SLC8A1: variants seen among roughly 807,000 people sequenced by gnomAD.
The protein encoded by SLC8A1 is sodium/calcium exchanger 1.
Under a neutral mutation model 68.3 loss-of-function variants are expected in SLC8A1, and 18 were observed. The observed-to-expected ratio is 0.26, with a 90% CI of 0.18 to 0.39. SLC8A1 has a LOEUF of 0.39. Among genes scored for constraint, SLC8A1 ranks in the 10% least tolerant of loss-of-function variants. The pLI, the probability that SLC8A1 is intolerant of heterozygous loss-of-function variation, is 1.00. For synonymous variants in SLC8A1, 475 were observed against 415.5 expected (o/e 1.14, Z -1.74); for missense variants, 985 against 1,156.7 (o/e 0.85, Z 2.15).
intron 1 of SLC8A1, among the ~76,000 whole-genome samples, chr2:40,504,699 C>T (rs1706258260): frequency 6.6e-6 from 1 of 151,936 alleles, no homozygotes; most frequent in African/African-American, 2.4e-5. Flanking sequence ...GGTAAACAAG[C>T]ATATGAAAAT....
At chr2:40,219,209 A>G (rs1488083769) in intron 2 of SLC8A1, among the ~76,000 whole-genome samples, 1 of 152,214 alleles carries the variant, frequency 6.6e-6, no homozygotes, top group African/African-American at 2.4e-5. Context: ...GTGTGTTCAT[A>G]GAGGAGAAAC....
At chr2:40,265,391 T>C (rs1014625254) in intron 2 of SLC8A1, among the ~76,000 whole-genome samples, 2 of 152,164 alleles carry the variant, frequency 1.3e-5, no homozygotes, top group African/African-American at 4.8e-5. Flanking sequence ...TAAAACACCC[T>C]GTGAATGTAC....
intron 2 of SLC8A1, among the ~76,000 whole-genome samples, chr2:40,309,551 G>A (rs1156407955): frequency 7.1e-6 from 1 of 140,820 alleles, no homozygotes; most frequent in Non-Finnish European, 1.5e-5. Context: ...CTGTTGCCCA[G>A]GCTGGAGTGC....
At chr2:40,188,374 C>T (rs755773789) in intron 2 of SLC8A1, among the ~76,000 whole-genome samples, 15 of 152,162 alleles carry the variant, frequency 9.9e-5, no homozygotes, top group Non-Finnish European at 2.2e-4. Context: ...ACATCAACAT[C>T]TTTGTCTGGT....
At chr2:40,175,371 C>A in intron 3 of SLC8A1, 90 bp from the exon 4 acceptor site, 1 of 1,331,128 alleles carries the variant, frequency 7.5e-7, no homozygotes, top group Non-Finnish European at 1.1e-6. Flanking sequence ...GAAATCCAGG[C>A]AGATCTGATT....
chr2:40,383,306 T>A (rs138947077), intron 2 of SLC8A1, among the ~76,000 whole-genome samples: 1 of 152,132 alleles, frequency 6.6e-6, no homozygotes, highest in East Asian at 1.9e-4. Context: ...AAATTTGATA[T>A]ATGTTTTTTG....
intron 1 of SLC8A1, among the ~76,000 whole-genome samples, chr2:40,494,642 T>TATAA (rs1705559181): frequency 8.0e-5 from 1 of 12,452 alleles, no homozygotes; most frequent in Admixed American, 9.7e-4. Flanking sequence ...TAAAGTATAA[T>TATAA]ATATATATAT....
intron 7 of SLC8A1, among the ~76,000 whole-genome samples, chr2:40,133,103 G>A (rs2148222716): frequency 6.6e-6 from 1 of 152,260 alleles, no homozygotes; most frequent in East Asian, 1.9e-4. Flanking sequence ...TCATTAGGCT[G>A]ATTTTACAGG....
rs1166056947 is a variant in SLC8A1 at position 40,361,835 on chromosome 2, A to G, written c.1808+66638T>C. Among the ~76,000 whole-genome samples the G allele has an allele frequency of 2.2e-5, 3 of 138,958 alleles. No individual in the cohort carries two copies. In the East Asian group the frequency reaches 6.5e-4, roughly 30 times the overall value. 91.2% of individuals were successfully genotyped at this position (138,958 alleles called of 152,430 possible). A position where few individuals can be genotyped will look rare whatever the true frequency, so the allele number is the denominator to read the frequency against. On this transcript the variant is annotated intron_variant, in intron 2 of 7. Transcript: ENST00000406785. ...AGAATATTATGCACTGAAATGCATA[A>G]TTTTTCAATAATAATTATGCTAGAT... is the stretch of plus-strand genomic sequence containing the variant.
chr2:40,208,258 C>T (rs1424158766), intron 2 of SLC8A1: 2 of 152,140 alleles, frequency 1.3e-5, no homozygotes, highest in African/African-American at 4.8e-5. Flanking sequence ...TTCCAGCTCT[C>T]TTTCCATAGT....
At chr2:40,156,981 C>T (rs1325449073) in intron 6 of SLC8A1, among the ~76,000 whole-genome samples, 1 of 152,124 alleles carries the variant, frequency 6.6e-6, no homozygotes, top group Non-Finnish European at 1.5e-5. Context: ...TGGTACTGCC[C>T]CTTAACAGTT....
At chr2:40,446,221 G>A (rs1701417747) in intron 1 of SLC8A1, among the ~76,000 whole-genome samples, 1 of 152,154 alleles carries the variant, frequency 6.6e-6, no homozygotes, top group Non-Finnish European at 1.5e-5. Context: ...CCTCACCTCT[G>A]ACTGGTATAG....
intron 1 of SLC8A1, among the ~76,000 whole-genome samples, chr2:40,509,437 AT>A (rs367549288): frequency 0.077 from 8,739 of 113,484 alleles, 516 homozygotes; most frequent in East Asian, 0.34. Flanking sequence ...GGGATTTGGA[AT>A]TTTTTTTTTT....
chr2:40,447,963 C>T (rs1701753936), intron 1 of SLC8A1, among the ~76,000 whole-genome samples: 2 of 152,124 alleles, frequency 1.3e-5, no homozygotes, highest in South Asian at 2.1e-4. Flanking sequence ...AAACTTTTGT[C>T]TTGTTACTGT....
At chr2:40,509,862 G>C (rs1706605487) in intron 1 of SLC8A1, among the ~76,000 whole-genome samples, 1 of 151,798 alleles carries the variant, frequency 6.6e-6, no homozygotes, top group Non-Finnish European at 1.5e-5. Flanking sequence ...CCAGGCTGGA[G>C]TGCAGTGGCA....
chr2:40,278,473 A>C (rs1161831274), intron 2 of SLC8A1, among the ~76,000 whole-genome samples: 2 of 80,994 alleles, frequency 2.5e-5, no homozygotes, highest in Non-Finnish European at 4.1e-5. Flanking sequence ...GTCTCAAACA[A>C]AACAAAACAA....
chr2:40,099,766 T>A (rs1256248617), exon 8 of SLC8A1: 1 of 152,026 alleles, frequency 6.6e-6, no homozygotes, highest in Non-Finnish European at 1.5e-5. Context: ...ATCAAAATTG[T>A]CCACCAAGTT....
intron 2 of SLC8A1, among the ~76,000 whole-genome samples, chr2:40,397,574 T>A (rs77061641): frequency 2.5e-3 from 384 of 152,304 alleles, no homozygotes; most frequent in African/African-American, 8.9e-3. Flanking sequence ...TGTATCCACA[T>A]ACATTTGCCG....
intron 2 of SLC8A1, among the ~76,000 whole-genome samples, chr2:40,253,067 AC>A: frequency 7.9e-6 from 1 of 126,386 alleles, no homozygotes; most frequent in Non-Finnish European, 1.6e-5. Context: ...ACATGTATAT[AC>A]TATATATGTG....
Sources: allele counts gnomAD v4.1 joint callset (sites outside exome capture counted in the v4.1 genomes callset), GRCh38; gene constraint gnomAD v4.1.1; transcripts MANE v1.5; gene names NCBI Gene and HGNC (gene_info 2026-07-23, HGNC 2026-07-21).